CNTN5: variants seen among roughly 807,000 people sequenced by gnomAD.
The protein encoded by CNTN5 is contactin-5.
In CNTN5, 77 loss-of-function variants were observed where a neutral mutation model predicts 129.1. The observed-to-expected ratio is 0.60, with a 90% CI of 0.50 to 0.72. CNTN5 has a LOEUF of 0.72. Ranked by LOEUF, CNTN5 falls within the 30% of genes least tolerant of loss-of-function variation. The pLI is 0.00. For synonymous variants in CNTN5, 509 were observed against 465.6 expected, an observed-to-expected ratio of 1.09 and a Z score of -1.20; for missense variants, 1,478 against 1,328.8, an observed-to-expected ratio of 1.11 and a Z score of -1.75.
chr11:99,118,868 T>TTTA (rs1565331778), intron 1 of CNTN5, among the ~76,000 whole-genome samples: 6 of 151,830 alleles, frequency 4.0e-5, no homozygotes, highest in Non-Finnish European at 8.8e-5. Flanking sequence ...TAAATAAGTA[T>TTTA]GAAATATCTA....
chr11:99,411,766 C>T (rs1348340898), intron 2 of CNTN5, among the ~76,000 whole-genome samples: 1 of 152,168 alleles, frequency 6.6e-6, no homozygotes, highest in African/African-American at 2.4e-5. Flanking sequence ...TTAAGCCATG[C>T]ACTATTTGTT....
rs888197854 is a variant in CNTN5 at position 99,987,853 on chromosome 11, G to A, written c.878-14181G>A. Among the ~76,000 whole-genome samples, 32 of 152,044 alleles carry A rather than the reference G, an allele frequency of 2.1e-4. 1 individual carries two copies. Among genetic ancestry groups the A allele is most frequent in the African/African-American group, 7.5e-4 (31 of 41,420 alleles). The stretch of plus-strand genomic sequence containing the variant: ...AGGGGGTTACATAATTTTTAAAATA[G>A]TTTTCTATTATTTAAAATAGGGACT... On this transcript the variant is annotated intron_variant, in intron 8 of 24. Transcript: ENST00000524871.
chr11:99,026,339 C>G (rs1256452228), intron 1 of CNTN5, among the ~76,000 whole-genome samples: 1 of 151,460 alleles, frequency 6.6e-6, no homozygotes, highest in Non-Finnish European at 1.5e-5. Flanking sequence ...AATATTATCT[C>G]CCATATAGCA....
chr11:99,109,131 A>G (rs1857661069), intron 1 of CNTN5, among the ~76,000 whole-genome samples: 1 of 151,726 alleles, frequency 6.6e-6, no homozygotes, highest in Admixed American at 6.6e-5. Context: ...CTATATGTAT[A>G]TATACATATT....
At chr11:100,053,772 T>A (rs556279446) in intron 9 of CNTN5, among the ~76,000 whole-genome samples, 2 of 151,938 alleles carry the variant, frequency 1.3e-5, no homozygotes, top group South Asian at 4.1e-4. Context: ...TGTATAAAGT[T>A]TTATTCATAA....
chr11:99,935,242 A>G (rs532863080), intron 7 of CNTN5, among the ~76,000 whole-genome samples: 3 of 152,046 alleles, frequency 2.0e-5, no homozygotes, highest in East Asian at 3.9e-4. Flanking sequence ...ATTGAGCCCT[A>G]TAGAAAATGA....
chr11:99,956,009 C>G (rs1049499081), intron 7 of CNTN5, among the ~76,000 whole-genome samples: 1 of 152,024 alleles, frequency 6.6e-6, no homozygotes, highest in Non-Finnish European at 1.5e-5. Flanking sequence ...ATCCTCTTTA[C>G]TGTTTTTCTT....
At chr11:99,716,810 T>C (rs1955255900) in intron 3 of CNTN5, among the ~76,000 whole-genome samples, 1 of 152,064 alleles carries the variant, frequency 6.6e-6, no homozygotes, top group Non-Finnish European at 1.5e-5. Context: ...ATGCCTAAAA[T>C]TGTGTTTTGG....
chr11:99,238,430 T>C (rs1262445978), intron 1 of CNTN5, among the ~76,000 whole-genome samples: 1 of 152,172 alleles, frequency 6.6e-6, no homozygotes, highest in Non-Finnish European at 1.5e-5. Context: ...TATCCCAGAA[T>C]CATCTATCAT....
intron 1 of CNTN5, among the ~76,000 whole-genome samples, chr11:99,034,757 A>G (rs1459575598): frequency 6.6e-6 from 1 of 151,230 alleles, no homozygotes; most frequent in Non-Finnish European, 1.5e-5. Context: ...GGTTTTTTGC[A>G]TCTCTATTTC....
chr11:99,222,482 C>T (rs973295678), intron 1 of CNTN5, among the ~76,000 whole-genome samples: 4 of 151,722 alleles, frequency 2.6e-5, no homozygotes, highest in Admixed American at 1.3e-4. Flanking sequence ...TGTATGGTCC[C>T]AATTTTACAT....
intron 1 of CNTN5, among the ~76,000 whole-genome samples, chr11:99,132,030 A>G (rs1453603403): frequency 6.6e-6 from 1 of 152,204 alleles, no homozygotes; most frequent in African/African-American, 2.4e-5. Context: ...ATCCAGTAGC[A>G]CATCAAAAAG....
At chr11:99,123,421 A>G (rs7941436) in intron 1 of CNTN5, among the ~76,000 whole-genome samples, 79,160 of 151,764 alleles carry the variant, frequency 0.52, 20,599 homozygotes, top group East Asian at 0.61. Context: ...ACATTTATTT[A>G]TTATAGATTC....
chr11:99,385,031 A>C (rs1305957947), intron 2 of CNTN5, among the ~76,000 whole-genome samples: 1 of 152,196 alleles, frequency 6.6e-6, no homozygotes, highest in Admixed American at 6.5e-5. Context: ...TGGGCAGATA[A>C]TAAATGTTTG....
At chr11:99,896,237 T>C (rs1159325421) in intron 6 of CNTN5, among the ~76,000 whole-genome samples, 1 of 152,182 alleles carries the variant, frequency 6.6e-6, no homozygotes, top group East Asian at 1.9e-4. Flanking sequence ...TTCACTGCTC[T>C]CTGCCAAACA....
At chr11:99,836,363 A>G (rs191872313) in intron 4 of CNTN5, among the ~76,000 whole-genome samples, 9 of 146,558 alleles carry the variant, frequency 6.1e-5, no homozygotes, top group Admixed American at 4.3e-4. Flanking sequence ...TCATTGTTCA[A>G]TTCCTACCTA....
chr11:100,268,076 C>T (rs1012206930), intron 17 of CNTN5, among the ~76,000 whole-genome samples: 1 of 152,066 alleles, frequency 6.6e-6, no homozygotes, highest in African/African-American at 2.4e-5. Flanking sequence ...GATTTTTGAC[C>T]TAACCAACTT....
chr11:99,699,961 C>T (rs1954447012), intron 3 of CNTN5, among the ~76,000 whole-genome samples: 1 of 151,368 alleles, frequency 6.6e-6, no homozygotes, highest in South Asian at 2.1e-4. Flanking sequence ...AGCAGCCTGG[C>T]ACATATTGGG....
chr11:99,136,933 T>C (rs2155562), intron 1 of CNTN5, among the ~76,000 whole-genome samples: 137,017 of 152,126 alleles, frequency 0.9, 61,912 homozygotes, highest in East Asian at 0.99. Flanking sequence ...AATTTATGTT[T>C]AATTTTAATG....
Sources: allele counts gnomAD v4.1 joint callset (sites outside exome capture counted in the v4.1 genomes callset), GRCh38; gene constraint gnomAD v4.1.1; transcripts MANE v1.5; gene names NCBI Gene and HGNC (gene_info 2026-07-23, HGNC 2026-07-21).